The following USH2A variants were observed in gnomAD, a reference collection of about 807,000 sequenced individuals.
USH2A encodes Usher syndrome 2A (autosomal recessive, mild).
In USH2A, 443 loss-of-function variants were observed where a neutral mutation model predicts 538.9. The ratio of observed to expected loss-of-function variants is 0.82; its 90% CI spans 0.76 to 0.89. USH2A has a LOEUF of 0.89. USH2A is among the 40% of genes least tolerant of loss of function. The pLI, the probability that USH2A is intolerant of heterozygous loss-of-function variation, is 0.00. For missense variants in USH2A, 6,633 were observed against 6,324.8 expected (o/e 1.05, Z -1.65); for synonymous variants, 2,413 against 2,273.5 (o/e 1.06, Z -1.75).
chr1:215,903,718 G>C (rs569363474), intron 38 of USH2A, among the ~76,000 whole-genome samples: 52 of 152,228 alleles, frequency 3.4e-4, no homozygotes, highest in Non-Finnish European at 4.4e-4. Flanking sequence ...CTTTGATGAT[G>C]CGCAGTTTCT....
intron 38 of USH2A, among the ~76,000 whole-genome samples, chr1:215,903,663 T>C (rs1331109080): frequency 1.3e-5 from 2 of 152,092 alleles, no homozygotes; most frequent in Admixed American, 1.3e-4. Context: ...GATGAAGATG[T>C]AGAGCAGTGA....
At position 216,377,807 on chromosome 1, in the gene USH2A, A is replaced by AAAAGAAAGAAAG. The variant is rs200931887; in HGVS notation, c.652-12734_652-12723dup. On this transcript the variant is annotated intron_variant, in intron 3 of 71. Transcript: ENST00000307340. ...AGAAAGAAAGAGAAGGAAAGAAATA[A>AAAAGAAAGAAAG]AAAGAAAGAAAGAAAGAAAGAAAGA... Among the ~76,000 whole-genome samples the AAAAGAAAGAAAG allele has an allele frequency of 4.7e-3, 231 of 49,512 alleles. 2 individuals are homozygous for AAAAGAAAGAAAG. Among genetic ancestry groups the AAAAGAAAGAAAG allele is most frequent in the South Asian group, 0.012 (11 of 924 alleles). 32.5% of individuals were successfully genotyped at this position (49,512 alleles called of 152,430 possible).
intron 41 of USH2A, among the ~76,000 whole-genome samples, chr1:215,887,723 G>C (rs988705972): frequency 6.6e-6 from 1 of 152,200 alleles, no homozygotes; most frequent in Non-Finnish European, 1.5e-5. Context: ...GATGAACTTT[G>C]CTGTTATGCA....
At chr1:215,690,193 G>C (rs116801399) in intron 61 of USH2A, among the ~76,000 whole-genome samples, 1,557 of 152,148 alleles carry the variant, frequency 0.01, 26 homozygotes, top group African/African-American at 0.035. Flanking sequence ...TAGTGGCCCA[G>C]GTCTACCACC....
chr1:215,631,228 G>A (rs1656273915), intron 70 of USH2A, among the ~76,000 whole-genome samples: 1 of 131,930 alleles, frequency 7.6e-6, no homozygotes, highest in Admixed American at 7.1e-5. Flanking sequence ...AGGGGGAGAA[G>A]TGTGTGTGTG....
At chr1:216,186,378 G>T (rs1337530189) in intron 20 of USH2A, among the ~76,000 whole-genome samples, 1 of 151,850 alleles carries the variant, frequency 6.6e-6, no homozygotes, top group Admixed American at 6.6e-5. Context: ...CATTTCTCTT[G>T]CTTTCCCTAT....
intron 61 of USH2A, among the ~76,000 whole-genome samples, chr1:215,684,883 T>A (rs1307343496): frequency 9.3e-5 from 14 of 150,798 alleles, no homozygotes; most frequent in Admixed American, 8.5e-4. Context: ...ATAAGTCACA[T>A]CAAAAATTCA....
intron 26 of USH2A, among the ~76,000 whole-genome samples, chr1:216,082,934 A>G (rs2031999057): frequency 6.6e-6 from 1 of 152,092 alleles, no homozygotes; most frequent in Non-Finnish European, 1.5e-5. Flanking sequence ...AAACTATAAA[A>G]ATGCATGTGA....
chr1:216,039,906 A>C (rs1299678093), intron 32 of USH2A, among the ~76,000 whole-genome samples: 1 of 152,000 alleles, frequency 6.6e-6, no homozygotes, highest in African/African-American at 2.4e-5. Context: ...AAGACCAAAA[A>C]AAAAGTTTTA....
At chr1:216,085,585 T>C (rs756681922) in intron 24 of USH2A, among the ~76,000 whole-genome samples, 5 of 152,110 alleles carry the variant, frequency 3.3e-5, no homozygotes, top group Non-Finnish European at 7.4e-5. Flanking sequence ...CCAATTTACA[T>C]AGACAAAGTA....
intron 67 of USH2A, among the ~76,000 whole-genome samples, chr1:215,641,149 T>C (rs2102636710): frequency 6.6e-6 from 1 of 152,342 alleles, no homozygotes; most frequent in East Asian, 1.9e-4. Context: ...TAGCTATTTT[T>C]CATATCAAAT....
intron 44 of USH2A, among the ~76,000 whole-genome samples, chr1:215,865,155 TA>T (rs1243004732): frequency 5.3e-5 from 8 of 152,170 alleles, no homozygotes; most frequent in Non-Finnish European, 1.0e-4. Flanking sequence ...ATCGACTAGT[TA>T]ATTTACTTAA....
intron 61 of USH2A, among the ~76,000 whole-genome samples, chr1:215,705,348 G>A (rs950861587): frequency 2.6e-5 from 4 of 152,090 alleles, no homozygotes; most frequent in Non-Finnish European, 5.9e-5. Flanking sequence ...CCAAATCATA[G>A]TATGATTTTT....
chr1:216,062,849 A>C (rs755713077), intron 30 of USH2A, among the ~76,000 whole-genome samples: 1 of 152,204 alleles, frequency 6.6e-6, no homozygotes, highest in Non-Finnish European at 1.5e-5. Flanking sequence ...AAATTTTCCA[A>C]GCTGAAGAAA....
intron 3 of USH2A, among the ~76,000 whole-genome samples, chr1:216,387,856 A>G (rs11803415): frequency 0.02 from 3,053 of 152,138 alleles, 100 homozygotes; most frequent in African/African-American, 0.069. Context: ...CCCTTCCCCC[A>G]TTATTACACT....
At chr1:216,331,498 A>T (rs372612088) in intron 4 of USH2A, among the ~76,000 whole-genome samples, 13 of 152,164 alleles carry the variant, frequency 8.5e-5, no homozygotes, top group African/African-American at 2.9e-4. Flanking sequence ...CAACATATAA[A>T]TCAGGGTAAA....
At chr1:215,637,217 C>T (rs1656523667) in intron 69 of USH2A, among the ~76,000 whole-genome samples, 1 of 152,132 alleles carries the variant, frequency 6.6e-6, no homozygotes, top group African/African-American at 2.4e-5. Flanking sequence ...ACTGGCAGGG[C>T]TTAGAAGGCG....
At chr1:216,221,822 G>A (rs2035462343) in intron 14 of USH2A, among the ~76,000 whole-genome samples, 2 of 152,164 alleles carry the variant, frequency 1.3e-5, no homozygotes, top group Non-Finnish European at 2.9e-5. Context: ...TTTTTAAAGT[G>A]CTCACAGATA....
chr1:215,983,568 C>CTT (rs1667804072), intron 35 of USH2A, among the ~76,000 whole-genome samples: 1 of 152,100 alleles, frequency 6.6e-6, no homozygotes, highest in African/African-American at 2.4e-5. Flanking sequence ...TCTTGCCACT[C>CTT]TTAGCATGAA....
Sources: allele counts gnomAD v4.1 joint callset (sites outside exome capture counted in the v4.1 genomes callset), GRCh38; gene constraint gnomAD v4.1.1; transcripts MANE v1.5; gene names NCBI Gene and HGNC (gene_info 2026-07-23, HGNC 2026-07-21).